Variants in CCDC93 observed in about 807,000 individuals in gnomAD.
CCDC93 encodes the protein coiled-coil domain-containing protein 93.
Under a neutral mutation model 108.2 loss-of-function variants are expected in CCDC93, and 61 were observed. That is an observed-to-expected ratio of 0.56 (90% confidence interval 0.46 to 0.70). The LOEUF (loss-of-function observed/expected upper bound fraction) is 0.70, where lower values mean the gene tolerates loss of function less well. CCDC93 is among the 30% of genes least tolerant of loss of function. CCDC93 has a pLI of 0.00. For synonymous variants in CCDC93, 276 were observed against 260.4 expected (o/e 1.06, Z -0.58); for missense variants, 685 against 764.2 (o/e 0.90, Z 1.22).
In CCDC93 at chr2:118,004,588, TG is replaced by T. The variant is rs779552026; in HGVS notation, c.251+2133del. 7.9e-5 allele frequency among the ~76,000 whole-genome samples: 12 copies of T among 152,156 alleles called. No homozygotes were observed. In the East Asian group the frequency reaches 1.9e-3, roughly 25 times the overall value. ...CTGCACCTAACCAGAAACTCTATGG[TG>T]GGGGGGAACACCAAACAGAACACAT... On this transcript the variant is annotated intron_variant, in intron 3 of 23. Coordinates refer to ENST00000376300, the MANE Select transcript of CCDC93 (RefSeq NM_019044.5).
intron 12 of CCDC93, among the ~76,000 whole-genome samples, chr2:117,957,237 A>G (rs7595144): frequency 0.55 from 83,203 of 152,032 alleles, 24,036 homozygotes; most frequent in East Asian, 0.87. Flanking sequence ...TTCTAATCTA[A>G]TCTATTGCTA....
At chr2:117,954,115 C>A (rs17047575) in intron 12 of CCDC93, among the ~76,000 whole-genome samples, 11,430 of 152,186 alleles carry the variant, frequency 0.075, 520 homozygotes, top group South Asian at 0.15. Context: ...AGGAAAGGTC[C>A]CCGGGATCTT....
At position 118,006,243 on chromosome 2, in the gene CCDC93, C is replaced by G. The variant is rs371905870; in HGVS notation, c.251+479G>C. ...GAGGCCCACAGAAGGAGTGGCTGTT[C>G]CAAGGCCACACAGAGACCCACTGGA... On this transcript the variant is annotated intron_variant, in intron 3 of 23. Coordinates refer to ENST00000376300, the MANE Select transcript of CCDC93 (RefSeq NM_019044.5). Among the ~76,000 whole-genome samples the G allele has an allele frequency of 2.1e-3, 323 of 152,252 alleles. 3 individuals are homozygous for G. Among genetic ancestry groups the G allele is most frequent in the African/African-American group, 7.5e-3 (311 of 41,540 alleles).
intron 3 of CCDC93, 128 bp downstream of exon 3, chr2:118,006,594 G>GTTAT: frequency 1.5e-6 from 1 of 681,496 alleles, no homozygotes; most frequent in Non-Finnish European, 2.7e-6. Flanking sequence ...GTAAGGCAGG[G>GTTAT]ATAATACCTC....
At chr2:117,931,427 A>G in intron 22 of CCDC93, 1 of 325,230 alleles carries the variant, frequency 3.1e-6, no homozygotes, top group South Asian at 3.4e-5. Context: ...CTCAACTAGG[A>G]GCTATTTTGC....
chr2:117,936,662 C>G, intron 21 of CCDC93, 40 bp downstream of exon 21: 2 of 1,559,014 alleles, frequency 1.3e-6, no homozygotes, highest in Non-Finnish European at 1.8e-6. Context: ...AAGCGCAGGC[C>G]GGCAGGGTAT....
intron 6 of CCDC93, 47 bp downstream of exon 6, chr2:117,995,399 T>G (rs1056372167): frequency 4.2e-6 from 6 of 1,417,608 alleles, no homozygotes; most frequent in Non-Finnish European, 6.0e-6. Flanking sequence ...AAGGGCTATC[T>G]GAGGCTACGC....
chr2:117,930,162 C>A (rs1054052118), intron 23 of CCDC93, among the ~76,000 whole-genome samples: 1 of 152,098 alleles, frequency 6.6e-6, no homozygotes, highest in Non-Finnish European at 1.5e-5. Flanking sequence ...GAAGAAAAGT[C>A]TTAAATTAAG....
Position 117,949,403 on chromosome 2 carries a change from A to T in CCDC93, c.1069-8T>A. Reference sequence around the variant, plus strand: ...CTCACTGTAAGTCTTCAGCTGCAAGAGAGAATGAAGACATGGTTGCTGGAG... The same window carrying T: ...CTCACTGTAAGTCTTCAGCTGCAAGTGAGAATGAAGACATGGTTGCTGGAG... On this transcript the variant is annotated splice_polypyrimidine_tract_variant and splice_region_variant and intron_variant, in intron 13 of 23. Coordinates refer to ENST00000376300, the MANE Select transcript of CCDC93 (RefSeq NM_019044.5). 6.2e-7 allele frequency: 1 copy of T among 1,603,520 alleles called. No homozygotes were observed. The highest frequency in any genetic ancestry group is 8.5e-7 in the Non-Finnish European group (1 of 1,170,576).
In CCDC93 at chr2:118,001,830, G is replaced by GA. The variant is rs567382424; in HGVS notation, c.252-899dup. Among the ~76,000 whole-genome samples the GA allele has an allele frequency of 5.3e-5, 8 of 152,258 alleles. No homozygotes were observed. In the East Asian group the frequency reaches 1.5e-3, roughly 29 times the overall value. On this transcript the variant is annotated intron_variant, in intron 3 of 23. Transcript: ENST00000376300. ...TATTGCAGCCTGAAACCTCCTTCTC[G>GA]AATCAGTTGGCATTTCATCTCTAGC...
At chr2:118,001,183 T>A in intron 3 of CCDC93, 1 of 353,408 alleles carries the variant, frequency 2.8e-6, no homozygotes, top group Non-Finnish European at 5.1e-6. Flanking sequence ...TTTTTGGATG[T>A]AAAATATTTT....
At chr2:117,950,746 T>C in intron 13 of CCDC93, 1 of 985,410 alleles carries the variant, frequency 1.0e-6, no homozygotes, top group Non-Finnish European at 1.2e-6. Context: ...CAGAAGTTGT[T>C]CAGTACTAGG....
intron 23 of CCDC93, among the ~76,000 whole-genome samples, chr2:117,920,627 T>G (rs1677829321): frequency 1.3e-5 from 2 of 152,090 alleles, no homozygotes; most frequent in African/African-American, 4.8e-5. Flanking sequence ...GAAAATAGGA[T>G]GAGAGGATAG....
At chr2:117,999,764 G>A (rs1477098969) in intron 4 of CCDC93, 2 of 152,112 alleles carry the variant, frequency 1.3e-5, no homozygotes, top group African/African-American at 4.8e-5. Flanking sequence ...CAACGTAAAT[G>A]CTATGTAAAT....
chr2:117,961,222 G>A (rs190640965), intron 11 of CCDC93, among the ~76,000 whole-genome samples: 81 of 152,126 alleles, frequency 5.3e-4, no homozygotes, highest in African/African-American at 1.9e-3. Context: ...CATACAGAGA[G>A]AAAATGCTCG....
rs191666477 is a variant in CCDC93 at position 118,010,549 on chromosome 2, A to T, written c.43-1891T>A. Among the ~76,000 whole-genome samples the T allele has an allele frequency of 2.8e-3, 433 of 152,040 alleles. 7 individuals carry two copies. The highest frequency in any genetic ancestry group is 6.5e-4 in the Non-Finnish European group (44 of 67,990). On this transcript the variant is annotated intron_variant, in intron 1 of 23. Transcript: ENST00000376300. ...TCACATTTATCTTCCCTTCCCTTTC[A>T]TTCATACTTCATTCCAGAACTCTTG...
intron 3 of CCDC93, among the ~76,000 whole-genome samples, chr2:118,003,655 C>T (rs1045476430): frequency 1.3e-5 from 2 of 152,200 alleles, no homozygotes; most frequent in Non-Finnish European, 2.9e-5. Flanking sequence ...CATGGCATTT[C>T]CTGGCCACTC....
intron 6 of CCDC93, among the ~76,000 whole-genome samples, chr2:117,986,416 T>C (rs2104801077): frequency 6.6e-6 from 1 of 152,304 alleles, no homozygotes; most frequent in East Asian, 1.9e-4. Flanking sequence ...ACTGCTAAGC[T>C]GGCTGTCAAA....
intron 2 of CCDC93, 149 bp from the exon 3 acceptor site, chr2:118,006,965 A>C (rs1220884725): frequency 4.9e-6 from 3 of 613,952 alleles, no homozygotes; most frequent in Non-Finnish European, 5.9e-6. Context: ...TGTCCTCCTT[A>C]CCCCATCAAG....
Sources: allele counts gnomAD v4.1 joint callset (sites outside exome capture counted in the v4.1 genomes callset), GRCh38; gene constraint gnomAD v4.1.1; transcripts MANE v1.5; gene names NCBI Gene and HGNC (gene_info 2026-07-23, HGNC 2026-07-21).